Variants in NXPH1 observed in about 807,000 individuals in gnomAD.
NXPH1 encodes the protein neurexophilin 1, also known as neurexophilin-1.
NXPH1 carries 5 observed loss-of-function variants against 23.7 expected under a neutral mutation model. The ratio of observed to expected loss-of-function variants is 0.21; its 90% CI spans 0.11 to 0.44. NXPH1 has a LOEUF of 0.44. NXPH1 is among the 20% of genes least tolerant of loss of function. The probability of loss-of-function intolerance (pLI) is 0.99; values close to 1 mark genes in which losing one functional copy is unlikely to be tolerated. For synonymous variants in NXPH1, 144 were observed against 122.2 expected (o/e 1.18, Z -1.18); for missense variants, 324 against 321.6 (o/e 1.01, Z -0.06).
Position 8,517,960 on chromosome 7 carries a change from C to T in NXPH1, c.54+82193C>T, listed in dbSNP as rs574300079. Among the ~76,000 whole-genome samples, 5 of 152,214 alleles carry T rather than the reference C, an allele frequency of 3.3e-5. No individual in the cohort carries two copies. The South Asian group carries it at 1.0e-3, about 32-fold the overall frequency. On this transcript the variant is annotated intron_variant, in intron 2 of 2. Transcript: ENST00000405863. ...TAAGCTTGATGTCCTGAAGCAGTTT[C>T]TTTCCACCACTGCAATATTCATCAA...
At chr7:8,630,031 C>T (rs1820093832) in intron 2 of NXPH1, among the ~76,000 whole-genome samples, 2 of 151,962 alleles carry the variant, frequency 1.3e-5, no homozygotes, top group Admixed American at 1.3e-4. Context: ...CATTTTACTC[C>T]CCCACATTTC....
intron 2 of NXPH1, among the ~76,000 whole-genome samples, chr7:8,551,834 G>A (rs1818280748): frequency 1.3e-5 from 2 of 151,336 alleles, no homozygotes; most frequent in African/African-American, 4.8e-5. Flanking sequence ...TTTTCTCCAT[G>A]TCCAACCATT....
At chr7:8,676,387 A>G (rs1562451392) in intron 2 of NXPH1, among the ~76,000 whole-genome samples, 1 of 152,206 alleles carries the variant, frequency 6.6e-6, no homozygotes, top group African/African-American at 2.4e-5. Flanking sequence ...AGTCATTTGC[A>G]TAACACTCCA....
chr7:8,698,408 A>T (rs1779569237), intron 2 of NXPH1, among the ~76,000 whole-genome samples: 1 of 152,202 alleles, frequency 6.6e-6, no homozygotes, highest in Admixed American at 6.5e-5. Flanking sequence ...ATTTTATAAA[A>T]TCAAGTCATT....
rs548412678 is a variant in NXPH1 at position 8,486,930 on chromosome 7, A to G, written c.54+51163A>G. 1.0e-3 allele frequency among the ~76,000 whole-genome samples: 154 copies of G among 152,208 alleles called. 1 individual carries two copies. The highest frequency in any genetic ancestry group is 1.7e-3 in the Non-Finnish European group (115 of 68,008). On this transcript the variant is annotated intron_variant, in intron 2 of 2. Coordinates refer to ENST00000405863, the MANE Select transcript of NXPH1 (RefSeq NM_152745.3). ...ACAGGCCCTTTATTATTTCTTGCAT[A>G]TAGCCCTTGTAAGTAATAATTTATC...
chr7:8,548,631 A>T (rs1212957647), intron 2 of NXPH1, among the ~76,000 whole-genome samples: 2 of 151,478 alleles, frequency 1.3e-5, no homozygotes, highest in Admixed American at 1.3e-4. Flanking sequence ...AGTTTACTAA[A>T]GTTAGTATTA....
intron 2 of NXPH1, among the ~76,000 whole-genome samples, chr7:8,707,058 CA>C (rs1779716947): frequency 6.6e-6 from 1 of 152,084 alleles, no homozygotes; most frequent in South Asian, 2.1e-4. Flanking sequence ...AATTAAAAAA[CA>C]AAAATATTTT....
At chr7:8,465,038 A>C (rs575264393) in intron 2 of NXPH1, among the ~76,000 whole-genome samples, 3 of 152,336 alleles carry the variant, frequency 2.0e-5, no homozygotes, top group African/African-American at 7.2e-5. Flanking sequence ...ACGAAGACCT[A>C]TTAAGAGGCG....
chr7:8,511,387 A>G (rs927718351), intron 2 of NXPH1, among the ~76,000 whole-genome samples: 1 of 152,066 alleles, frequency 6.6e-6, no homozygotes, highest in African/African-American at 2.4e-5. Context: ...TGTCCTGCCT[A>G]TGAATGTTGT....
At chr7:8,585,698 A>C in intron 2 of NXPH1, among the ~76,000 whole-genome samples, 1 of 152,234 alleles carries the variant, frequency 6.6e-6, no homozygotes, top group African/African-American at 2.4e-5. Flanking sequence ...GTATTAAAAT[A>C]AAAAAGATGA....
intron 2 of NXPH1, among the ~76,000 whole-genome samples, chr7:8,554,733 T>C (rs2189461): frequency 0.6 from 91,381 of 151,514 alleles, 27,657 homozygotes; most frequent in Middle Eastern, 0.69. Flanking sequence ...AAAGTCCTTC[T>C]GTTCTTTAGG....
chr7:8,658,576 A>G (rs1194502967), intron 2 of NXPH1, among the ~76,000 whole-genome samples: 2 of 152,204 alleles, frequency 1.3e-5, no homozygotes, highest in Admixed American at 6.5e-5. Flanking sequence ...GACATTTAAA[A>G]AAGGTTTCTT....
intron 2 of NXPH1, among the ~76,000 whole-genome samples, chr7:8,561,940 A>G (rs539129269): frequency 6.6e-6 from 1 of 151,906 alleles, no homozygotes; most frequent in South Asian, 2.1e-4. Flanking sequence ...ATGTTTCGAT[A>G]TACATATACA....
intron 2 of NXPH1, among the ~76,000 whole-genome samples, chr7:8,439,138 G>T (rs1816248393): frequency 6.6e-6 from 1 of 152,154 alleles, no homozygotes; most frequent in Non-Finnish European, 1.5e-5. Flanking sequence ...AAAAAGTTTT[G>T]CAATCTTTAT....
intron 2 of NXPH1, among the ~76,000 whole-genome samples, chr7:8,492,554 A>C (rs1239997613): frequency 1.3e-5 from 2 of 151,816 alleles, no homozygotes; most frequent in Non-Finnish European, 2.9e-5. Flanking sequence ...ACAATGGTGA[A>C]TAAAACACAC....
At chr7:8,684,380 G>A (rs1042546506) in intron 2 of NXPH1, among the ~76,000 whole-genome samples, 3 of 152,142 alleles carry the variant, frequency 2.0e-5, no homozygotes, top group Non-Finnish European at 4.4e-5. Flanking sequence ...TGATGTGAAA[G>A]GTTAGGTTCA....
At chr7:8,547,055 G>A (rs2214512) in intron 2 of NXPH1, among the ~76,000 whole-genome samples, 12,940 of 151,368 alleles carry the variant, frequency 0.085, 621 homozygotes, top group Middle Eastern at 0.12. Context: ...GAGATGGTTA[G>A]CAATAACTGA....
chr7:8,441,124 C>G (rs1816290109), intron 2 of NXPH1, among the ~76,000 whole-genome samples: 1 of 152,120 alleles, frequency 6.6e-6, no homozygotes, highest in African/African-American at 2.4e-5. Context: ...GGCTTCAGAT[C>G]TCATTTTAAG....
chr7:8,487,836 G>A (rs908784585), intron 2 of NXPH1, among the ~76,000 whole-genome samples: 1 of 152,076 alleles, frequency 6.6e-6, no homozygotes, highest in Non-Finnish European at 1.5e-5. Flanking sequence ...AATATTAGAG[G>A]AGGTGTTTTG....
Sources: gnomAD v4.1 joint callset for allele counts (sites outside exome capture counted in the v4.1 genomes callset) on GRCh38, gnomAD v4.1.1 for gene constraint, MANE v1.5 for transcripts, NCBI Gene and HGNC (gene_info 2026-07-23, HGNC 2026-07-21) for gene names.